The following ADAT2 variants were observed in gnomAD, a reference collection of about 807,000 sequenced individuals.
The protein encoded by ADAT2 is adenosine deaminase tRNA specific 2.
A neutral mutation model predicts 25.9 loss-of-function variants in ADAT2; 26 were observed. That is an observed-to-expected ratio of 1.00 (90% CI 0.74 to 1.39). The LOEUF is 1.39. ADAT2 is among the 40% of genes most tolerant of loss of function. The pLI is 0.00. For missense variants in ADAT2, 220 were observed against 244.8 expected (o/e 0.90, Z 0.68); for synonymous variants, 76 against 86.8 (o/e 0.88, Z 0.69).
intron 4 of ADAT2, among the ~76,000 whole-genome samples, chr6:143,431,609 A>C (rs1331288470): frequency 6.6e-6 from 1 of 152,200 alleles, no homozygotes; most frequent in Admixed American, 6.5e-5. Flanking sequence ...GTTGATAGGA[A>C]AGCTAATGTT....
intron 1 of ADAT2, 25 bp downstream of exon 1, chr6:143,450,538 A>C (rs750494736): frequency 1.2e-6 from 2 of 1,613,034 alleles, no homozygotes; most frequent in Non-Finnish European, 1.7e-6. Flanking sequence ...CCCACCCCGC[A>C]GCATCTACCT....
rs1254094925 is a variant in ADAT2 at position 143,427,316 on chromosome 6, G to C, written c.*1147C>G. 6.6e-6 allele frequency: 1 copy of C among 152,640 alleles called. No homozygotes were observed. Among genetic ancestry groups the C allele is most frequent in the Non-Finnish European group, 1.5e-5 (1 of 68,050 alleles). 9.5% of individuals were successfully genotyped at this position (152,640 alleles called of 1,614,324 possible). Reference sequence around the variant, plus strand: ...TACAGATGCTTTGCATCAAGGAAATGAATCTACTGAAGAAATGCAACTGAG... The same window carrying C: ...TACAGATGCTTTGCATCAAGGAAATCAATCTACTGAAGAAATGCAACTGAG... On this transcript the variant is annotated 3_prime_UTR_variant, in exon 6 of 6. Transcript: ENST00000237283.
At position 143,436,347 on chromosome 6, in the gene ADAT2, G is replaced by T; in HGVS notation, c.201+2243C>A. 1 of 255,936 alleles carries T rather than the reference G, an allele frequency of 3.9e-6. No individual in the cohort carries two copies. Among genetic ancestry groups the T allele is most frequent in the South Asian group, 5.3e-5 (1 of 19,044 alleles). The allele number at this position is 255,936 out of a possible 1,614,324, so 15.9% of individuals were successfully genotyped here. A position where few individuals can be genotyped will look rare whatever the true frequency, so the allele number is the denominator to read the frequency against. On this transcript the variant is annotated intron_variant, in intron 2 of 5. Coordinates refer to ENST00000237283, the MANE Select transcript of ADAT2 (RefSeq NM_182503.3). This position sits in a 1 kb window ranked among gnomAD's most constrained non-coding sequence, Gnocchi z 4.1. Reference sequence around the variant, plus strand: ...TCAGGGGCTGGATGTCCATGAGGGAGGTAGAGGAGAAAATGCTTCATGTCC... The same window carrying T: ...TCAGGGGCTGGATGTCCATGAGGGATGTAGAGGAGAAAATGCTTCATGTCC...
Position 143,432,627 on chromosome 6 carries a change from G to C in ADAT2, c.353-16C>G, listed in dbSNP as rs1779149432. On this transcript the variant is annotated splice_polypyrimidine_tract_variant and intron_variant, in intron 3 of 5. Coordinates refer to ENST00000237283, the MANE Select transcript of ADAT2 (RefSeq NM_182503.3). This position sits in a 1 kb window ranked among gnomAD's most constrained non-coding sequence, Gnocchi z 4.4. ...AGCGGGATTTATAAGACAGAATTAAGGTCCTGCATAGAATGTACATTTCAA... is the reference window on the plus strand; with the variant it reads ...AGCGGGATTTATAAGACAGAATTAACGTCCTGCATAGAATGTACATTTCAA... The C allele has an allele frequency of 6.2e-7, 1 of 1,609,664 alleles. No homozygotes were observed. The highest frequency in any genetic ancestry group is 8.5e-7 in the Non-Finnish European group (1 of 1,175,998).
At chr6:143,430,581 T>G (rs371343260) in intron 4 of ADAT2, among the ~76,000 whole-genome samples, 1 of 150,328 alleles carries the variant, frequency 6.7e-6, no homozygotes, top group Non-Finnish European at 1.5e-5. Context: ...TTTTTTTTTT[T>G]GAGACAGTCT....
chr6:143,450,365 C>G (rs1211396310), intron 1 of ADAT2, among the ~76,000 whole-genome samples, 198 bp downstream of exon 1: 1 of 152,166 alleles, frequency 6.6e-6, no homozygotes, highest in Non-Finnish European at 1.5e-5. Flanking sequence ...TGTGTATTTC[C>G]TCCCCTTCCT....
intron 1 of ADAT2, among the ~76,000 whole-genome samples, chr6:143,439,047 A>G (rs1779379057): frequency 6.6e-6 from 1 of 152,168 alleles, no homozygotes; most frequent in Non-Finnish European, 1.5e-5. Flanking sequence ...AAGGTAGGGG[A>G]CTAAATAACA....
chr6:143,423,829 C>G lies in ADAT2; in HGVS notation c.*4634G>C, dbSNP rs543293568. On this transcript the variant is annotated 3_prime_UTR_variant, in exon 6 of 6. Coordinates refer to ENST00000237283, the MANE Select transcript of ADAT2 (RefSeq NM_182503.3). ...AGATATTGGGGATGTGGGATTCTCT[C>G]TAAACTAGCTTAGCAGGATTCTTGC... is the stretch of plus-strand genomic sequence containing the variant. The G allele has an allele frequency of 6.6e-6, 1 of 152,112 alleles. No homozygotes were observed. Among genetic ancestry groups the G allele is most frequent in the Non-Finnish European group, 1.5e-5 (1 of 68,018 alleles). 9.4% of individuals were successfully genotyped at this position (152,112 alleles called of 1,614,324 possible).
In ADAT2 at chr6:143,434,358, A is replaced by G. The variant is rs944048665; in HGVS notation, c.202-377T>C. ...CAAAATTTTCATAAGCTTGTGCTCT[A>G]GTTTCAAATATATTTTCAAGGCTGT... On this transcript the variant is annotated intron_variant, in intron 2 of 5. Coordinates refer to ENST00000237283, the MANE Select transcript of ADAT2 (RefSeq NM_182503.3). This position sits in a 1 kb window ranked among gnomAD's most constrained non-coding sequence, Gnocchi z 4.5. 6.6e-6 allele frequency among the ~76,000 whole-genome samples: 1 copy of G among 152,242 alleles called. No homozygotes were observed. Among genetic ancestry groups the G allele is most frequent in the African/African-American group, 2.4e-5 (1 of 41,456 alleles).
At chr6:143,439,742 T>C (rs1779404081) in intron 1 of ADAT2, among the ~76,000 whole-genome samples, 1 of 152,202 alleles carries the variant, frequency 6.6e-6, no homozygotes, top group African/African-American at 2.4e-5. Flanking sequence ...GAAAACTTTC[T>C]GGATCTTGAT....
rs1778976212 is a variant in ADAT2 at position 143,427,584 on chromosome 6, A to G, written c.*879T>C. Reference sequence around the variant, plus strand: ...TAACCATTTGTTTCAGATTAAATTGATCATTCTATTTTTCAGTCAGCATTC... The same window carrying G: ...TAACCATTTGTTTCAGATTAAATTGGTCATTCTATTTTTCAGTCAGCATTC... On this transcript the variant is annotated 3_prime_UTR_variant, in exon 6 of 6. Coordinates refer to ENST00000237283, the MANE Select transcript of ADAT2 (RefSeq NM_182503.3). The G allele has an allele frequency of 6.6e-6, 1 of 152,194 alleles. No homozygotes were observed. Among genetic ancestry groups the G allele is most frequent in the South Asian group, 2.1e-4 (1 of 4,826 alleles). 9.4% of individuals were successfully genotyped at this position (152,194 alleles called of 1,614,324 possible).
In ADAT2 at chr6:143,434,754, CTT is replaced by C. The variant is rs1350617579; in HGVS notation, c.202-775_202-774del. ...ATACTACACATGTACTCTGCTAGCT[CTT>C]GTCTCCTTTTCTTTCTCCCTTACTA... On this transcript the variant is annotated intron_variant, in intron 2 of 5. Coordinates refer to ENST00000237283, the MANE Select transcript of ADAT2 (RefSeq NM_182503.3). This position sits in a 1 kb window ranked among gnomAD's most constrained non-coding sequence, Gnocchi z 4.5. Among the ~76,000 whole-genome samples the C allele has an allele frequency of 6.6e-6, 1 of 152,174 alleles. No individual in the cohort carries two copies. Among genetic ancestry groups the C allele is most frequent in the Non-Finnish European group, 1.5e-5 (1 of 68,030 alleles).
In ADAT2 at chr6:143,431,173, C is replaced by T. The variant is rs1779106124; in HGVS notation, c.459+1332G>A. 3.3e-5 allele frequency among the ~76,000 whole-genome samples: 5 copies of T among 152,314 alleles called. No homozygotes were observed. In the South Asian group the frequency reaches 1.0e-3, roughly 32 times the overall value. ...TCAGCCTGGAGATATGGCTGCAAGC[C>T]ACAGGCATTGATTTGCAGCTGAGCC... On this transcript the variant is annotated intron_variant, in intron 4 of 5. Coordinates refer to ENST00000237283, the MANE Select transcript of ADAT2 (RefSeq NM_182503.3).
chr6:143,447,217 C>G (rs1367696308), intron 1 of ADAT2, among the ~76,000 whole-genome samples: 3 of 152,100 alleles, frequency 2.0e-5, no homozygotes, highest in African/African-American at 4.8e-5. Flanking sequence ...AACTGAGGAG[C>G]TAGATTTTAT....
chr6:143,437,113 T>C lies in ADAT2; in HGVS notation c.201+1477A>G, dbSNP rs1169755186. ...TGACATATTAACTACAGATTTTCTATGCAGTGAACATGGTTATATATAAAT... is the reference window on the plus strand; with the variant it reads ...TGACATATTAACTACAGATTTTCTACGCAGTGAACATGGTTATATATAAAT... On this transcript the variant is annotated intron_variant, in intron 2 of 5. Transcript: ENST00000237283. This position sits in a 1 kb window ranked among gnomAD's most constrained non-coding sequence, Gnocchi z 4.1. Among the ~76,000 whole-genome samples the C allele has an allele frequency of 6.6e-6, 1 of 152,196 alleles. No individual in the cohort carries two copies. Among genetic ancestry groups the C allele is most frequent in the Non-Finnish European group, 1.5e-5 (1 of 68,032 alleles).
At chr6:143,438,762 G>C in intron 1 of ADAT2, 68 bp from the exon 2 acceptor site, 1 of 1,280,008 alleles carries the variant, frequency 7.8e-7, no homozygotes, top group Non-Finnish European at 1.1e-6. Context: ...GAGAGAAAGA[G>C]ATGCAGCATG....
At chr6:143,439,954 C>T (rs1038586003) in intron 1 of ADAT2, among the ~76,000 whole-genome samples, 5 of 152,146 alleles carry the variant, frequency 3.3e-5, no homozygotes, top group Non-Finnish European at 7.4e-5. Context: ...TTATCACAGG[C>T]CATTCGTTTT....
intron 4 of ADAT2, among the ~76,000 whole-genome samples, chr6:143,431,056 T>A (rs9496630): frequency 0.28 from 42,683 of 151,188 alleles, 6,195 homozygotes; most frequent in Admixed American, 0.32. Flanking sequence ...CCAGACGAAT[T>A]AAAAAAAAAG....
In ADAT2 at chr6:143,434,492, T is replaced by G. The variant is rs1779209444; in HGVS notation, c.202-511A>C. On this transcript the variant is annotated intron_variant, in intron 2 of 5. Coordinates refer to ENST00000237283, the MANE Select transcript of ADAT2 (RefSeq NM_182503.3). This position sits in a 1 kb window ranked among gnomAD's most constrained non-coding sequence, Gnocchi z 4.5. ...TGGAAGACTCTAGAGAAGTAGAGAT[T>G]TGGTATTGGTTTCAGACACTTCATG... 6.6e-6 allele frequency among the ~76,000 whole-genome samples: 1 copy of G among 152,146 alleles called. No individual in the cohort carries two copies. Among genetic ancestry groups the G allele is most frequent in the Non-Finnish European group, 1.5e-5 (1 of 68,024 alleles).
Sources: allele counts gnomAD v4.1 joint callset (sites outside exome capture counted in the v4.1 genomes callset), GRCh38; gene constraint gnomAD v4.1.1; non-coding constraint Gnocchi (gnomAD v3.1); transcripts MANE v1.5; gene names NCBI Gene and HGNC (gene_info 2026-07-23, HGNC 2026-07-21).